EWSR1: variants seen among roughly 807,000 people sequenced by gnomAD.
EWSR1 encodes the protein EWS RNA binding protein 1, also known as RNA-binding protein EWS.
In EWSR1, 14 loss-of-function variants were observed where a neutral mutation model predicts 92.1. That is an observed-to-expected ratio of 0.15 (90% confidence interval 0.10 to 0.24). The LOEUF (loss-of-function observed/expected upper bound fraction) is 0.24, where lower values mean the gene tolerates loss of function less well. Ranked by LOEUF, EWSR1 falls within the 10% of genes least tolerant of loss-of-function variation. The probability of loss-of-function intolerance (pLI) is 1.00; values close to 1 mark genes in which losing one functional copy is unlikely to be tolerated. For synonymous variants in EWSR1, 303 were observed against 292.9 expected (o/e 1.03, Z -0.35); for missense variants, 637 against 870.9 (o/e 0.73, Z 3.38).
chr22:29,297,879 T>A lies in EWSR1; in HGVS notation c.1347T>A (p.Pro449=). 1 of 1,613,998 alleles carries A rather than the reference T, an allele frequency of 6.2e-7. No homozygotes were observed. The change falls in exon 13 of 17, where the codon CCT becomes CCA. Residue 449 remains proline, a synonymous_variant. Transcript: ENST00000397938. ...AAGTCTCCCTTGCTCGGAAGAAGCC[T>A]CCAATGAACAGTATGCGGGGTGGTC... is the stretch of plus-strand genomic sequence containing the variant. ...KLKVSLARKK[P]PMNSMRGGLP...
At chr22:29,284,054 G>A (rs113300747) in intron 6 of EWSR1, among the ~76,000 whole-genome samples, 9 of 151,194 alleles carry the variant, frequency 6.0e-5, no homozygotes, top group African/African-American at 2.2e-4. Context: ...GGCTGGTCTT[G>A]AACTCCCATC....
rs1290144378 is a variant in EWSR1, at chr22:29,295,653, A to G, written c.1165-586A>G. ...GGATATATGTAAACAATTACAGACTAAACTGATCGTGTGCATATATAATGC... is the reference window on the plus strand; with the variant it reads ...GGATATATGTAAACAATTACAGACTGAACTGATCGTGTGCATATATAATGC... On this transcript the variant is annotated intron_variant, in intron 11 of 16. Transcript: ENST00000397938. 11 of 223,504 alleles carry G rather than the reference A, an allele frequency of 4.9e-5. No individual in the cohort carries two copies. The Admixed American group carries it at 6.3e-4, about 13-fold the overall frequency. The allele number at this position is 223,504 out of a possible 1,614,324, so 13.8% of individuals were successfully genotyped here.
At chr22:29,287,815 G>A (rs2060161431) in intron 7 of EWSR1, among the ~76,000 whole-genome samples, 1 of 152,198 alleles carries the variant, frequency 6.6e-6, no homozygotes, top group African/African-American at 2.4e-5. Context: ...AGCTATTGCA[G>A]GCCACTATGA....
rs2058866448 is a variant in EWSR1 at position 29,273,637 on chromosome 22, A to G, written c.103-104A>G. 7 of 1,317,010 alleles carry G rather than the reference A, an allele frequency of 5.3e-6. No homozygotes were observed. In the South Asian group the frequency reaches 5.6e-5, roughly 11 times the overall value. 81.6% of individuals were successfully genotyped at this position (1,317,010 alleles called of 1,614,324 possible). A position where few individuals can be genotyped will look rare whatever the true frequency, so the allele number is the denominator to read the frequency against. ...TTTTGTTTTGTTTTTTTAATCTTCT[A>G]GAAAGGAATGTTTTTGATTTTGGTT... is the stretch of plus-strand genomic sequence containing the variant. On this transcript the variant is annotated intron_variant, in intron 3 of 16. Coordinates refer to ENST00000397938, the MANE Select transcript of EWSR1 (RefSeq NM_005243.4).
chr22:29,268,349 G>A lies in EWSR1; in HGVS notation c.13G>A (p.Asp5Asn). MASTDYSTYSQAAAQ... is the reference protein window; with the variant it reads MASTNYSTYSQAAAQ... ...GGAAGGAGAGAAAATGGCGTCCACGGGTGAGTATGGTGGAACTGCGGTCGC... is the reference window on the plus strand; with the variant it reads ...GGAAGGAGAGAAAATGGCGTCCACGAGTGAGTATGGTGGAACTGCGGTCGC... Residue 5 changes from aspartate to asparagine, a missense_variant and splice_region_variant, in exon 1 of 17, where the codon GAT (aspartate) becomes AAT (asparagine). Asp to Asn is a conservative substitution (Grantham distance 23). Around this residue, in one of 5 missense-constraint regions of EWSR1, gnomAD observed 144 missense variants for 189.0 expected, o/e 0.76. Coordinates refer to ENST00000397938, the MANE Select transcript of EWSR1 (RefSeq NM_005243.4). 2 of 1,614,142 alleles carry A rather than the reference G, an allele frequency of 1.2e-6. No homozygotes were observed. Among genetic ancestry groups the A allele is most frequent in the Non-Finnish European group, 1.7e-6 (2 of 1,179,996 alleles).
intron 6 of EWSR1, among the ~76,000 whole-genome samples, chr22:29,282,787 G>A (rs2059710559): frequency 6.6e-6 from 1 of 150,512 alleles, no homozygotes. Flanking sequence ...CCCCGAGACG[G>A]AGTCTCTCTC....
chr22:29,291,278 G>A (rs2060422759), intron 8 of EWSR1: 1 of 379,244 alleles, frequency 2.6e-6, no homozygotes, highest in Non-Finnish European at 4.7e-6. Flanking sequence ...GGGTGTTTGG[G>A]ATCTATTTTT....
intron 6 of EWSR1, among the ~76,000 whole-genome samples, chr22:29,284,967 G>C (rs1349547910): frequency 6.6e-6 from 1 of 151,050 alleles, no homozygotes; most frequent in Non-Finnish European, 1.5e-5. Flanking sequence ...TTATAGGCAT[G>C]TGCCACCACA....
At chr22:29,270,051 C>G (rs1166851183) in intron 1 of EWSR1, among the ~76,000 whole-genome samples, 2 of 152,186 alleles carry the variant, frequency 1.3e-5, no homozygotes, top group Non-Finnish European at 2.9e-5. Flanking sequence ...TTAGGCTAGA[C>G]CTCTTAAGCT....
intron 1 of EWSR1, among the ~76,000 whole-genome samples, chr22:29,270,084 G>A (rs2058545277): frequency 6.6e-6 from 1 of 152,190 alleles, no homozygotes; most frequent in Admixed American, 6.5e-5. Context: ...TGACCTTCCA[G>A]CATAAGCATT....
At chr22:29,280,758 C>T (rs978677356) in intron 5 of EWSR1, among the ~76,000 whole-genome samples, 3 of 150,164 alleles carry the variant, frequency 2.0e-5, no homozygotes, top group Admixed American at 1.3e-4. Flanking sequence ...GCTGGAGCCT[C>T]CGCCTCCGGG....
intron 15 of EWSR1, 85 bp from the exon 16 acceptor site, chr22:29,299,514 G>A (rs1263687117): frequency 1.0e-5 from 15 of 1,502,734 alleles, no homozygotes; most frequent in Non-Finnish European, 1.3e-5. Flanking sequence ...TGCTGTGAGA[G>A]AAGGAAGCAG....
intron 7 of EWSR1, among the ~76,000 whole-genome samples, chr22:29,288,096 T>A (rs1399114316): frequency 6.6e-6 from 1 of 152,254 alleles, no homozygotes; most frequent in Admixed American, 6.5e-5. Flanking sequence ...GCAGTTCTTC[T>A]GTATGGAGAG....
At chr22:29,278,446 G>C (rs1016953655) in intron 5 of EWSR1, among the ~76,000 whole-genome samples, 2 of 152,180 alleles carry the variant, frequency 1.3e-5, no homozygotes, top group Admixed American at 6.6e-5. Context: ...TAGCTCTTTG[G>C]GAGGCCGAGG....
chr22:29,276,566 A>G (rs1261220031), intron 4 of EWSR1: 1 of 226,480 alleles, frequency 4.4e-6, no homozygotes, highest in Non-Finnish European at 8.8e-6. Context: ...ATCTTAACTA[A>G]AATGGGCAGT....
chr22:29,273,678 T>C, intron 3 of EWSR1, 63 bp from the exon 4 acceptor site: 1 of 1,572,282 alleles, frequency 6.4e-7, no homozygotes, highest in South Asian at 1.2e-5. Context: ...ATTTAGTCCA[T>C]TTTATTGCTA....
intron 12 of EWSR1, among the ~76,000 whole-genome samples, chr22:29,297,425 C>T (rs1330137106): frequency 6.6e-6 from 1 of 152,158 alleles, no homozygotes; most frequent in Non-Finnish European, 1.5e-5. Context: ...GGCACAGTGG[C>T]TCTTGCCTAT....
At position 29,300,133 on chromosome 22, in the gene EWSR1, G is replaced by A. The variant is rs2061236308; in HGVS notation, c.1943G>A (p.Arg648His). ...GPGKMDKGEH[R>H]QERRDRPY ...TCTTTACCTTGCAGAGGCGAGCACC[G>A]TCAGGAGCGCAGAGATCGGCCCTAC... Residue 648 changes from arginine to histidine, a missense_variant, in exon 17 of 17, where the codon CGT becomes CAT. Arg to His is a conservative substitution (Grantham distance 29, BLOSUM62 0). This residue lies in a region of EWSR1 where 363 missense variants were observed against 447.8 expected (regional missense o/e 0.81). Transcript: ENST00000397938. 3 of 1,603,862 alleles carry A rather than the reference G, an allele frequency of 1.9e-6. No homozygotes were observed. Among genetic ancestry groups the A allele is most frequent in the Non-Finnish European group, 2.5e-6 (3 of 1,178,010 alleles).
chr22:29,278,054 A>G lies in EWSR1; in HGVS notation c.251A>G (p.Gln84Arg), dbSNP rs1342101966. The G allele has an allele frequency of 6.2e-7, 1 of 1,613,906 alleles. No individual in the cohort carries two copies. The highest frequency in any genetic ancestry group is 1.7e-4 in the Middle Eastern group (1 of 6,058). Residue 84 changes from glutamine to arginine, a missense_variant, in exon 5 of 17, where the codon CAG becomes CGG. This residue lies in a region of EWSR1 where 144 missense variants were observed against 189.0 expected (regional missense o/e 0.76). Coordinates refer to ENST00000397938, the MANE Select transcript of EWSR1 (RefSeq NM_005243.4). ...PTGYTTPTAP[Q>R]AYSQPVQGYG... ...GGTTATACTACTCCAACTGCCCCCC[A>G]GGCATACAGCCAGCCTGTCCAGGGG...
Sources: allele counts gnomAD v4.1 joint callset (sites outside exome capture counted in the v4.1 genomes callset), GRCh38; gene constraint gnomAD v4.1.1; regional missense constraint gnomAD v4.1.1; transcripts MANE v1.5; gene names NCBI Gene and HGNC (gene_info 2026-07-23, HGNC 2026-07-21).